Variants in ABCC4 observed in about 807,000 individuals in gnomAD.
The protein encoded by ABCC4 is ATP binding cassette subfamily C member 4 (PEL blood group).
A neutral mutation model predicts 168.5 loss-of-function variants in ABCC4; 102 were observed. That is an observed-to-expected ratio of 0.61 (90% CI 0.52 to 0.71). ABCC4 has a LOEUF of 0.71. Among genes scored for constraint, ABCC4 ranks in the 30% least tolerant of loss-of-function variants. The pLI, the probability that ABCC4 is intolerant of heterozygous loss-of-function variation, is 0.00. For missense variants in ABCC4, 1,402 were observed against 1,605.8 expected (o/e 0.87, Z 2.17); for synonymous variants, 617 against 590.7 (o/e 1.04, Z -0.65).
chr13:95,211,770 AAGG>A (rs1336655658), intron 4 of ABCC4, among the ~76,000 whole-genome samples: 3 of 152,178 alleles, frequency 2.0e-5, no homozygotes, highest in African/African-American at 7.2e-5. Flanking sequence ...AGACTACTGG[AAGG>A]AGGAGAATGA....
intron 19 of ABCC4, among the ~76,000 whole-genome samples, chr13:95,123,782 C>T (rs1226770941): frequency 2.0e-5 from 3 of 152,198 alleles, no homozygotes; most frequent in Non-Finnish European, 2.9e-5. Flanking sequence ...TAAGAAAGCA[C>T]GGACCATGCC....
chr13:95,208,009 C>G, intron 6 of ABCC4, 84 bp from the exon 7 acceptor site: 2 of 1,498,418 alleles, frequency 1.3e-6, no homozygotes, highest in Non-Finnish European at 1.8e-6. Context: ...GGACCTGCAT[C>G]ACATGGTTCC....
intron 21 of ABCC4, 121 bp from the exon 22 acceptor site, chr13:95,075,672 T>C: frequency 1.5e-6 from 2 of 1,306,608 alleles, no homozygotes; most frequent in South Asian, 1.5e-5. Flanking sequence ...GGAGGCTTCA[T>C]GTTTCAAGGA....
chr13:95,084,252 C>G (rs968551070), intron 20 of ABCC4, among the ~76,000 whole-genome samples: 1 of 152,096 alleles, frequency 6.6e-6, no homozygotes, highest in Non-Finnish European at 1.5e-5. Flanking sequence ...CACTGAGGCA[C>G]AGGGAGAAAA....
At chr13:95,294,088 C>G (rs937357987) in intron 1 of ABCC4, among the ~76,000 whole-genome samples, 2 of 152,062 alleles carry the variant, frequency 1.3e-5, no homozygotes, top group East Asian at 3.9e-4. Context: ...TTCTCAATGG[C>G]TTAATTCAAA....
intron 30 of ABCC4, among the ~76,000 whole-genome samples, 186 bp downstream of exon 30, chr13:95,034,419 T>G (rs1221917922): frequency 6.6e-6 from 1 of 152,240 alleles, no homozygotes; most frequent in African/African-American, 2.4e-5. Flanking sequence ...TACCCGCTTC[T>G]GCCAACTCTT....
At chr13:95,281,904 C>T (rs1010150176) in intron 1 of ABCC4, among the ~76,000 whole-genome samples, 49 of 152,142 alleles carry the variant, frequency 3.2e-4, no homozygotes, top group African/African-American at 1.1e-3. Flanking sequence ...GTTAGGAGTT[C>T]GAGACCAGGC....
intron 3 of ABCC4, among the ~76,000 whole-genome samples, chr13:95,238,576 A>G (rs2039844676): frequency 6.6e-6 from 1 of 152,102 alleles, no homozygotes; most frequent in African/African-American, 2.4e-5. Context: ...CTTTTTTGAG[A>G]TGGAGTTTCA....
intron 26 of ABCC4, among the ~76,000 whole-genome samples, chr13:95,061,940 C>CA (rs2139286079): frequency 6.6e-6 from 1 of 152,182 alleles, no homozygotes; most frequent in Admixed American, 6.5e-5. Context: ...TCTTATTGTA[C>CA]AAATAATCCA....
chr13:95,028,003 G>A (rs907742137), intron 30 of ABCC4, among the ~76,000 whole-genome samples: 25 of 152,100 alleles, frequency 1.6e-4, no homozygotes, highest in Non-Finnish European at 3.1e-4. Flanking sequence ...GTAAAAGCAC[G>A]CGACCCAGTC....
intron 19 of ABCC4, among the ~76,000 whole-genome samples, chr13:95,137,031 T>C (rs951442441): frequency 1.3e-5 from 2 of 152,230 alleles, no homozygotes; most frequent in African/African-American, 4.8e-5. Context: ...AAATCACAGA[T>C]GGTAGGCATA....
chr13:95,153,896 A>T (rs1038104798), intron 19 of ABCC4, among the ~76,000 whole-genome samples: 5 of 152,224 alleles, frequency 3.3e-5, no homozygotes, highest in African/African-American at 1.2e-4. Flanking sequence ...GGCTTTTATG[A>T]TACTATTAGC....
chr13:95,199,431 G>A (rs2038560193), intron 8 of ABCC4, among the ~76,000 whole-genome samples: 1 of 152,212 alleles, frequency 6.6e-6, no homozygotes, highest in Admixed American at 6.5e-5. Flanking sequence ...CCATCAGTGG[G>A]TCTTGTAGCA....
intron 19 of ABCC4, among the ~76,000 whole-genome samples, chr13:95,127,960 T>C (rs140144040): frequency 2.4e-4 from 36 of 152,310 alleles, no homozygotes; most frequent in African/African-American, 8.4e-4. Context: ...TACAAATTTA[T>C]GCTATGAGTT....
chr13:95,030,773 GCTGTGGGTTAAGCCAGCTAGT>G (rs2031844895), intron 30 of ABCC4, among the ~76,000 whole-genome samples: 1 of 152,224 alleles, frequency 6.6e-6, no homozygotes, highest in Non-Finnish European at 1.5e-5. Context: ...AACATAATCT[GCTGTGGGTTAAGCCAGCTAGT>G]CTGTGCTACT....
At chr13:95,087,819 C>G (rs1035968168) in intron 20 of ABCC4, among the ~76,000 whole-genome samples, 8 of 152,150 alleles carry the variant, frequency 5.3e-5, no homozygotes, top group East Asian at 3.9e-4. Context: ...AACTCTGGTT[C>G]CCAGGTCCCA....
At chr13:95,088,796 T>C (rs1035066489) in intron 20 of ABCC4, among the ~76,000 whole-genome samples, 10 of 151,428 alleles carry the variant, frequency 6.6e-5, no homozygotes, top group Admixed American at 3.9e-4. Context: ...CTTACAAAGA[T>C]AGAAAAATGA....
intron 4 of ABCC4, among the ~76,000 whole-genome samples, chr13:95,212,494 T>C (rs2038989671): frequency 6.6e-6 from 1 of 152,218 alleles, no homozygotes; most frequent in African/African-American, 2.4e-5. Flanking sequence ...GCTGACCCTT[T>C]TCAAGAAATC....
rs145218836 is a variant in ABCC4 at position 95,278,941 on chromosome 13, G to T, written c.74+22300C>A. ...TTTCCTTCCTCAGAGACCGGAGTGG[G>T]AGAGAAACTGTTACAGCCAATCACT... is the stretch of plus-strand genomic sequence containing the variant. On this transcript the variant is annotated intron_variant, in intron 1 of 30. Transcript: ENST00000645237. 3.0e-3 allele frequency among the ~76,000 whole-genome samples: 450 copies of T among 150,506 alleles called. 2 individuals carry two copies. The highest frequency in any genetic ancestry group is 0.01 in the African/African-American group (424 of 41,044).
Sources: allele counts gnomAD v4.1 joint callset (sites outside exome capture counted in the v4.1 genomes callset), GRCh38; gene constraint gnomAD v4.1.1; transcripts MANE v1.5; gene names NCBI Gene and HGNC (gene_info 2026-07-23, HGNC 2026-07-21).